IGSF21: variants seen among roughly 807,000 people sequenced by gnomAD.
IGSF21 encodes immunoglobulin superfamily member 21.
Under a neutral mutation model 46.8 loss-of-function variants are expected in IGSF21, and 28 were observed. That is an observed-to-expected ratio of 0.60 (90% CI 0.44 to 0.82). The LOEUF (loss-of-function observed/expected upper bound fraction) is 0.82, where lower values mean the gene tolerates loss of function less well. Among genes scored for constraint, IGSF21 ranks in the 40% least tolerant of loss-of-function variants. The pLI, the probability that IGSF21 is intolerant of heterozygous loss-of-function variation, is 0.00. For missense variants in IGSF21, 624 were observed against 665.5 expected (o/e 0.94, Z 0.69); for synonymous variants, 284 against 273.6 (o/e 1.04, Z -0.38).
intron 3 of IGSF21, among the ~76,000 whole-genome samples, chr1:18,304,540 T>C (rs781419390): frequency 2.0e-5 from 3 of 152,142 alleles, no homozygotes; most frequent in Non-Finnish European, 4.4e-5. Flanking sequence ...AGCCGCAGAA[T>C]CAAAAGTCAA....
At chr1:18,151,734 T>G (rs568283007) in intron 1 of IGSF21, among the ~76,000 whole-genome samples, 3 of 150,808 alleles carry the variant, frequency 2.0e-5, no homozygotes, top group South Asian at 2.1e-4. Context: ...CAGGGGGCTG[T>G]GGGGGGCGGG....
intron 2 of IGSF21, among the ~76,000 whole-genome samples, chr1:18,233,978 T>A: frequency 6.6e-6 from 1 of 152,026 alleles, no homozygotes; most frequent in East Asian, 1.9e-4. Flanking sequence ...AAAATGATGA[T>A]CCTAAGGAGA....
At chr1:18,233,285 G>C (rs1384331836) in intron 2 of IGSF21, among the ~76,000 whole-genome samples, 1 of 152,144 alleles carries the variant, frequency 6.6e-6, no homozygotes, top group African/African-American at 2.4e-5. Flanking sequence ...GCATACCTGG[G>C]TGTGTGTTTT....
At chr1:18,134,166 G>T (rs993968382) in intron 1 of IGSF21, among the ~76,000 whole-genome samples, 1 of 152,022 alleles carries the variant, frequency 6.6e-6, no homozygotes, top group Non-Finnish European at 1.5e-5. Context: ...GTGAATAAAT[G>T]AATGAATAAA....
At chr1:18,210,483 C>T (rs143068758) in intron 1 of IGSF21, among the ~76,000 whole-genome samples, 5 of 152,280 alleles carry the variant, frequency 3.3e-5, no homozygotes, top group African/African-American at 7.2e-5. Flanking sequence ...TGTGGGGTAA[C>T]GTTTGGGGAG....
intron 1 of IGSF21, among the ~76,000 whole-genome samples, chr1:18,138,889 T>C (rs2086389980): frequency 6.6e-6 from 1 of 152,242 alleles, no homozygotes; most frequent in Admixed American, 6.5e-5. Flanking sequence ...ATGAGGAAAC[T>C]GAGGCCCAGA....
Position 18,296,624 on chromosome 1 carries a change from C to T in IGSF21, c.305+4637C>T, listed in dbSNP as rs574075077. On this transcript the variant is annotated intron_variant, in intron 3 of 9. Coordinates refer to ENST00000251296, the MANE Select transcript of IGSF21 (RefSeq NM_032880.5). ...GGGAAAGGTCAGAGAGTCCTTCCTGCGCCTGCCATTTCTCAAATTCCATCT... is the reference window on the plus strand; with the variant it reads ...GGGAAAGGTCAGAGAGTCCTTCCTGTGCCTGCCATTTCTCAAATTCCATCT... Among the ~76,000 whole-genome samples, 16 of 152,280 alleles carry T rather than the reference C, an allele frequency of 1.1e-4. No individual in the cohort carries two copies. In the East Asian group the frequency reaches 1.2e-3, roughly 11 times the overall value.
At chr1:18,192,106 G>T (rs1414537607) in intron 1 of IGSF21, among the ~76,000 whole-genome samples, 2 of 152,188 alleles carry the variant, frequency 1.3e-5, no homozygotes, top group Admixed American at 1.3e-4. Flanking sequence ...TTGGAGCCAC[G>T]CAAGCCTGGG....
chr1:18,151,031 G>C (rs928818254), intron 1 of IGSF21, among the ~76,000 whole-genome samples: 1 of 152,232 alleles, frequency 6.6e-6, no homozygotes, highest in African/African-American at 2.4e-5. Flanking sequence ...TATGTGACCT[G>C]AGCAAGGTCT....
chr1:18,164,497 C>T (rs1237481481), intron 1 of IGSF21, among the ~76,000 whole-genome samples: 1 of 152,064 alleles, frequency 6.6e-6, no homozygotes, highest in Non-Finnish European at 1.5e-5. Flanking sequence ...ACAATTTACG[C>T]TCCCCCCAGC....
At chr1:18,114,676 C>T (rs2124401029) in intron 1 of IGSF21, 1 of 152,308 alleles carries the variant, frequency 6.6e-6, no homozygotes, top group East Asian at 1.9e-4. Flanking sequence ...GCCCATTATT[C>T]CATTTAGACC....
At chr1:18,308,683 T>C (rs2085452009) in intron 3 of IGSF21, among the ~76,000 whole-genome samples, 1 of 152,068 alleles carries the variant, frequency 6.6e-6, no homozygotes, top group African/African-American at 2.4e-5. Context: ...TGCCCGGGCT[T>C]CCTCCACTTC....
At chr1:18,187,972 G>C (rs1025379395) in intron 1 of IGSF21, among the ~76,000 whole-genome samples, 1 of 152,280 alleles carries the variant, frequency 6.6e-6, no homozygotes, top group East Asian at 1.9e-4. Flanking sequence ...AAAAATTATA[G>C]TCCTGCTTGA....
intron 1 of IGSF21, chr1:18,115,846 A>AAGAAAGG (rs1557543416): frequency 4.0e-4 from 28 of 69,814 alleles, no homozygotes; most frequent in African/African-American, 1.5e-3. Flanking sequence ...AGGAAGGAAG[A>AAGAAAGG]AAGAAAGAAA....
rs570971992 is a variant in IGSF21 at position 18,296,291 on chromosome 1, G to C, written c.305+4304G>C. The stretch of plus-strand genomic sequence containing the variant: ...CTTCTAGGTTCTTGGCTGGGTCCCC[G>C]GTAGCAAAAGACGAATTCACAAGAC... On this transcript the variant is annotated intron_variant, in intron 3 of 9. Coordinates refer to ENST00000251296, the MANE Select transcript of IGSF21 (RefSeq NM_032880.5). Among the ~76,000 whole-genome samples, 18 of 152,242 alleles carry C rather than the reference G, an allele frequency of 1.2e-4. No individual in the cohort carries two copies. In the South Asian group the frequency reaches 3.7e-3, roughly 32 times the overall value.
At chr1:18,186,397 G>A (rs922620079) in intron 1 of IGSF21, among the ~76,000 whole-genome samples, 3 of 152,066 alleles carry the variant, frequency 2.0e-5, no homozygotes, top group Admixed American at 2.0e-4. Flanking sequence ...TCTCAAAGCC[G>A]GGCACCTGGA....
chr1:18,284,292 C>G (rs1011571364), intron 2 of IGSF21, among the ~76,000 whole-genome samples: 1 of 152,142 alleles, frequency 6.6e-6, no homozygotes, highest in East Asian at 1.9e-4. Context: ...ACAGGAAGTC[C>G]GTTCCTTCCT....
chr1:18,370,965 C>A (rs575392567), intron 6 of IGSF21, among the ~76,000 whole-genome samples: 1 of 152,202 alleles, frequency 6.6e-6, no homozygotes, highest in Non-Finnish European at 1.5e-5. Flanking sequence ...AATTCTCATG[C>A]TTTGCTGACT....
rs563724766 is a variant in IGSF21, at chr1:18,334,584, C to T, written c.306-308C>T. On this transcript the variant is annotated intron_variant, in intron 3 of 9. Coordinates refer to ENST00000251296, the MANE Select transcript of IGSF21 (RefSeq NM_032880.5). The surrounding 1 kb of genome is among the most constrained non-coding windows in gnomAD (Gnocchi z 4.3). ...TACCTCTTCACCTGTGCCATCCTCA[C>T]GGCTCCCTGGAAGTGGGCACCATCC... is the stretch of plus-strand genomic sequence containing the variant. Among the ~76,000 whole-genome samples, 25 of 152,286 alleles carry T rather than the reference C, an allele frequency of 1.6e-4. 3 individuals are homozygous for T. In the South Asian group the frequency reaches 4.6e-3, roughly 28 times the overall value.
Sources: allele counts gnomAD v4.1 joint callset (sites outside exome capture counted in the v4.1 genomes callset), GRCh38; gene constraint gnomAD v4.1.1; non-coding constraint Gnocchi (gnomAD v3.1); transcripts MANE v1.5; gene names NCBI Gene and HGNC (gene_info 2026-07-23, HGNC 2026-07-21).